Variants in RGS8 observed in about 807,000 individuals in gnomAD.
RGS8 encodes regulator of G-protein signaling 8.
RGS8 carries 8 observed loss-of-function variants against 21.7 expected under a neutral mutation model. That is an observed-to-expected ratio of 0.37 (90% CI 0.22 to 0.66). The LOEUF (loss-of-function observed/expected upper bound fraction) is 0.66, where lower values mean the gene tolerates loss of function less well. Among genes scored for constraint, RGS8 ranks in the 30% least tolerant of loss-of-function variants. The pLI is 0.59. For missense variants in RGS8, 157 were observed against 217.9 expected, an observed-to-expected ratio of 0.72 and a Z score of 1.76; for synonymous variants, 80 against 83.6, an observed-to-expected ratio of 0.96 and a Z score of 0.24.
At chr1:182,720,936 C>T in the RGS8 span, among the ~76,000 whole-genome samples, 1 of 110,138 alleles carries the variant, frequency 9.1e-6, no homozygotes, top group African/African-American at 3.7e-5. Flanking sequence ...TACATATATA[C>T]ATATATATAC....
chr1:182,641,859 T>C (rs1005065478), downstream of RGS8: 1 of 152,240 alleles, frequency 6.6e-6, no homozygotes, highest in Non-Finnish European at 1.5e-5. Flanking sequence ...GCCTTGTTTA[T>C]AGTAAAGGTG....
chr1:182,650,969 G>A (rs543305314), intron 5 of RGS8, among the ~76,000 whole-genome samples: 84 of 152,224 alleles, frequency 5.5e-4, no homozygotes, highest in African/African-American at 2.0e-3. Context: ...TCAGGCAGGT[G>A]GAAAATAAAA....
intron 3 of RGS8, among the ~76,000 whole-genome samples, chr1:182,667,404 A>T (rs1442167262): frequency 2.0e-5 from 3 of 152,206 alleles, no homozygotes; most frequent in African/African-American, 7.2e-5. Flanking sequence ...GAGCAGAGGG[A>T]TGTTTGCAGG....
chr1:182,643,833 C>A (rs1223818085), downstream of RGS8: 1 of 152,356 alleles, frequency 6.6e-6, no homozygotes, highest in Non-Finnish European at 1.5e-5. Context: ...AGCCCCCAAA[C>A]AAGTTAGCCC....
At chr1:182,706,623 C>T in the RGS8 span, among the ~76,000 whole-genome samples, 6 of 151,954 alleles carry the variant, frequency 3.9e-5, no homozygotes, top group African/African-American at 1.4e-4. Context: ...TGTGCCACCA[C>T]GCCTGGCTAA....
chr1:182,659,428 C>T (rs1483459064), intron 5 of RGS8, among the ~76,000 whole-genome samples: 3 of 152,312 alleles, frequency 2.0e-5, no homozygotes, highest in African/African-American at 4.8e-5. Context: ...TAGCCGGGCG[C>T]GGTGGCTCAC....
At chr1:182,684,928 C>T (rs1664661978), upstream of RGS8, among the ~76,000 whole-genome samples, 1 of 152,144 alleles carries the variant, frequency 6.6e-6, no homozygotes, top group Non-Finnish European at 1.5e-5. The surrounding 1 kb of genome is among the most constrained non-coding windows in gnomAD (Gnocchi z 4.2). Context: ...AAAGTGGTTG[C>T]TTTATGAGAG....
chr1:182,742,571 C>G, the RGS8 span, among the ~76,000 whole-genome samples: 1 of 152,238 alleles, frequency 6.6e-6, no homozygotes, highest in African/African-American at 2.4e-5. Context: ...TCCCCGTCAC[C>G]ACCAAAAAAA....
chr1:182,707,985 C>T, the RGS8 span, among the ~76,000 whole-genome samples: 17 of 152,286 alleles, frequency 1.1e-4, no homozygotes, highest in African/African-American at 4.1e-4. Flanking sequence ...GGATTACAGG[C>T]ATTAGATGCT....
chr1:182,671,948 G>A (rs482490), upstream of RGS8: 84,011 of 1,390,964 alleles, frequency 0.06, 4,734 homozygotes, highest in African/African-American at 0.28. Flanking sequence ...CCCAGCGGGC[G>A]GCGGCTCAGC....
chr1:182,744,345 G>C, the RGS8 span, among the ~76,000 whole-genome samples: 1 of 151,912 alleles, frequency 6.6e-6, no homozygotes, highest in African/African-American at 2.4e-5. Context: ...GGCTGGTGTT[G>C]AACTCCTTGG....
the RGS8 span, among the ~76,000 whole-genome samples, chr1:182,752,069 T>C: frequency 2.0e-5 from 3 of 152,148 alleles, no homozygotes; most frequent in African/African-American, 7.2e-5. Context: ...CCTGATACTT[T>C]CCCAACTCCT....
chr1:182,686,816 G>T (rs143479886), upstream of RGS8, among the ~76,000 whole-genome samples: 24 of 152,226 alleles, frequency 1.6e-4, no homozygotes, highest in East Asian at 4.5e-3. Flanking sequence ...AGAGAAGAGG[G>T]GCTGAGGGCA....
the RGS8 span, among the ~76,000 whole-genome samples, chr1:182,690,971 C>T: frequency 1.3e-5 from 2 of 152,200 alleles, no homozygotes; most frequent in African/African-American, 2.4e-5. Flanking sequence ...GAACCCTGCA[C>T]TAACTTGCTT....
chr1:182,674,376 A>G (rs1011735528), upstream of RGS8, among the ~76,000 whole-genome samples: 9 of 152,350 alleles, frequency 5.9e-5, no homozygotes, highest in African/African-American at 1.7e-4. Context: ...AGAAAAATGT[A>G]AAAGAAAGAA....
At chr1:182,690,274 C>T in the RGS8 span, among the ~76,000 whole-genome samples, 1 of 152,202 alleles carries the variant, frequency 6.6e-6, no homozygotes, top group Non-Finnish European at 1.5e-5. Context: ...TCCTGTACTT[C>T]TCTGGTACAA....
At chr1:182,687,017 T>C (rs1221997765), upstream of RGS8, among the ~76,000 whole-genome samples, 2 of 152,056 alleles carry the variant, frequency 1.3e-5, no homozygotes, top group Admixed American at 1.3e-4. Flanking sequence ...AGAACTGAGA[T>C]GAAAATGGCA....
At chr1:182,663,044 C>G (rs561630703) in intron 5 of RGS8, among the ~76,000 whole-genome samples, 36 of 152,252 alleles carry the variant, frequency 2.4e-4, no homozygotes, top group African/African-American at 8.4e-4. Context: ...GGAGTGGGTT[C>G]TAGACTCCTG....
At chr1:182,706,729 G>A in the RGS8 span, among the ~76,000 whole-genome samples, 1 of 151,434 alleles carries the variant, frequency 6.6e-6, no homozygotes, top group South Asian at 2.1e-4. Flanking sequence ...GCCTCCCAAG[G>A]TGCTGGGATT....
Sources: gnomAD v4.1 joint callset for allele counts (sites outside exome capture counted in the v4.1 genomes callset) on GRCh38, gnomAD v4.1.1 for gene constraint, Gnocchi (gnomAD v3.1) non-coding constraint, MANE v1.5 for transcripts, NCBI Gene and HGNC (gene_info 2026-07-23, HGNC 2026-07-21) for gene names.